APOO: variants seen among roughly 807,000 people sequenced by gnomAD.
APOO encodes the protein apolipoprotein O.
Under a neutral mutation model 23.1 loss-of-function variants are expected in APOO, and 11 were observed. The ratio of observed to expected loss-of-function variants is 0.48; its 90% CI spans 0.30 to 0.79. The LOEUF is 0.79. Ranked by LOEUF, APOO falls within the 30% of genes least tolerant of loss-of-function variation. The probability of loss-of-function intolerance (pLI) is 0.07; values close to 1 mark genes in which losing one functional copy is unlikely to be tolerated. For synonymous variants in APOO, 59 were observed against 54.8 expected, an observed-to-expected ratio of 1.08 and a Z score of -0.34; for missense variants, 160 against 142.7, an observed-to-expected ratio of 1.12 and a Z score of -0.62.
rs1447335486 is a variant in APOO, at chrX:23,858,631, G to A, written c.480+11C>T. ...AATGAGGGACATCATGGATTACAGA[G>A]TTTCTCTTACCTGGGCAAACACGAT... On this transcript the variant is annotated intron_variant, in intron 6 of 8. Transcript: ENST00000379226. 8.3e-7 allele frequency: 1 copy of A among 1,203,516 alleles called. No individual in the cohort carries two copies. Among genetic ancestry groups the A allele is most frequent in the African/African-American group, 1.7e-5 (1 of 57,586 alleles).
At chrX:23,888,794 G>A (rs1926486964) in intron 1 of APOO, among the ~76,000 whole-genome samples, 1 of 97,236 alleles carries the variant, frequency 1.0e-5, no homozygotes, top group African/African-American at 3.8e-5. Context: ...AGGTTGCAGT[G>A]AGCCAAAATT....
At chrX:23,901,495 A>G (rs927969190) in intron 1 of APOO, among the ~76,000 whole-genome samples, 1 of 111,748 alleles carries the variant, frequency 8.9e-6, no homozygotes, top group African/African-American at 3.3e-5. Flanking sequence ...TCCCACCTCA[A>G]TGAATAGTTC....
intron 7 of APOO, among the ~76,000 whole-genome samples, chrX:23,855,112 A>T (rs1401996476): frequency 2.0e-5 from 2 of 100,362 alleles, no homozygotes; most frequent in Non-Finnish European, 4.0e-5. Flanking sequence ...ATCATGGCTC[A>T]CTCTATTTAG....
Position 23,903,443 on chromosome X carries a change from T to C in APOO, c.9+4251A>G, listed in dbSNP as rs754664315. ...GAATTGGAATCCATTTTAACAAGAG[T>C]CACATGCCCATTAAAGTTTGACAAG... On this transcript the variant is annotated intron_variant, in intron 1 of 8. Transcript: ENST00000379226. Among the ~76,000 whole-genome samples, 4 of 109,399 alleles carry C rather than the reference T, an allele frequency of 3.7e-5. No homozygotes were observed. In the South Asian group the frequency reaches 1.5e-3, roughly 42 times the overall value. 95.0% of individuals were successfully genotyped at this position (109,399 alleles called of 115,157 possible). A position where few individuals can be genotyped will look rare whatever the true frequency, so the allele number is the denominator to read the frequency against.
intron 7 of APOO, among the ~76,000 whole-genome samples, chrX:23,851,444 C>T (rs780812970): frequency 9.4e-4 from 105 of 112,206 alleles, no homozygotes; most frequent in African/African-American, 3.2e-3. Context: ...CCACCTGCCT[C>T]GGCCTCCCAC....
At chrX:23,864,412 C>T (rs1047052308) in intron 5 of APOO, among the ~76,000 whole-genome samples, 37 of 111,338 alleles carry the variant, frequency 3.3e-4, no homozygotes, top group African/African-American at 1.2e-3. Flanking sequence ...AAGTGATTCT[C>T]CTGCTTTCGC....
At chrX:23,900,916 C>A (rs193041370) in intron 1 of APOO, among the ~76,000 whole-genome samples, 1 of 111,510 alleles carries the variant, frequency 9.0e-6, no homozygotes, top group Admixed American at 9.6e-5. Flanking sequence ...AAGAAGAATT[C>A]CCTTGAAGAT....
intron 1 of APOO, among the ~76,000 whole-genome samples, chrX:23,889,864 T>C (rs940114323): frequency 9.1e-6 from 1 of 109,707 alleles, no homozygotes; most frequent in Non-Finnish European, 1.9e-5. Context: ...GGTTTCACTG[T>C]GTTAGCCAGG....
intron 1 of APOO, among the ~76,000 whole-genome samples, chrX:23,895,628 C>T (rs960995303): frequency 4.5e-5 from 5 of 110,589 alleles, no homozygotes; most frequent in African/African-American, 6.6e-5. Flanking sequence ...TCATGTTCCG[C>T]ACATGTATCC....
chrX:23,870,688 G>A (rs1317687720), intron 4 of APOO, among the ~76,000 whole-genome samples: 1 of 110,163 alleles, frequency 9.1e-6, no homozygotes, highest in African/African-American at 3.3e-5. Context: ...CTACTTGGGA[G>A]GCTGAGGTGG....
At chrX:23,850,134 G>A (rs1445135829) in intron 7 of APOO, among the ~76,000 whole-genome samples, 1 of 111,904 alleles carries the variant, frequency 8.9e-6, no homozygotes, top group African/African-American at 3.2e-5. Flanking sequence ...AAATGGTTCA[G>A]GAAAATAAAA....
intron 1 of APOO, among the ~76,000 whole-genome samples, chrX:23,887,997 G>A (rs755024369): frequency 1.8e-5 from 2 of 112,114 alleles, no homozygotes; most frequent in East Asian, 5.6e-4. Context: ...TTGGCTTAAA[G>A]GTAAACTGGT....
chrX:23,883,131 G>A, intron 1 of APOO, among the ~76,000 whole-genome samples: 1 of 111,468 alleles, frequency 9.0e-6, no homozygotes, highest in East Asian at 2.8e-4. Context: ...GCAGGGAAAT[G>A]CTGGGTAGAG....
At chrX:23,865,621 T>C (rs1306703809) in intron 5 of APOO, among the ~76,000 whole-genome samples, 1 of 102,648 alleles carries the variant, frequency 9.7e-6, no homozygotes, top group Admixed American at 1.1e-4. Flanking sequence ...AAAAAGAAAC[T>C]CCTATCAGGA....
intron 7 of APOO, among the ~76,000 whole-genome samples, chrX:23,851,490 A>G (rs66667619): frequency 0.5 from 55,087 of 111,115 alleles, 12,316 homozygotes; most frequent in African/African-American, 0.89. Context: ...ACCGCGCCCC[A>G]CGGTAATTTC....
intron 4 of APOO, among the ~76,000 whole-genome samples, chrX:23,874,161 TACTTGCTAGCCC>T (rs1385203208): frequency 3.6e-5 from 4 of 111,577 alleles, no homozygotes; most frequent in African/African-American, 1.3e-4. Context: ...AGTGTATCTG[TACTTGCTAGCCC>T]AAGAATCCTA....
intron 7 of APOO, among the ~76,000 whole-genome samples, chrX:23,843,327 TA>T (rs1186105385): frequency 9.0e-6 from 1 of 110,920 alleles, no homozygotes; most frequent in African/African-American, 3.3e-5. Flanking sequence ...AATATCTCAT[TA>T]AAAAAATATT....
Position 23,904,315 on chromosome X carries a change from G to A in APOO, c.9+3379C>T, listed in dbSNP as rs368694528. 5.4e-5 allele frequency among the ~76,000 whole-genome samples: 6 copies of A among 110,657 alleles called. No homozygotes were observed. In the East Asian group the frequency reaches 1.1e-3, roughly 21 times the overall value. ...TGGCATTCCTCTGACAACTGTTACA[G>A]GGTCAGACAACTGACCTAAGTTGGT... On this transcript the variant is annotated intron_variant, in intron 1 of 8. Coordinates refer to ENST00000379226, the MANE Select transcript of APOO (RefSeq NM_024122.5).
At chrX:23,862,653 G>C (rs938384459) in intron 5 of APOO, among the ~76,000 whole-genome samples, 2 of 104,038 alleles carry the variant, frequency 1.9e-5, no homozygotes, top group Non-Finnish European at 3.9e-5. Context: ...CATGCCTATA[G>C]TCGCAGCTAC....
Sources: gnomAD v4.1 joint callset for allele counts (sites outside exome capture counted in the v4.1 genomes callset) on GRCh38, gnomAD v4.1.1 for gene constraint, MANE v1.5 for transcripts, NCBI Gene and HGNC (gene_info 2026-07-23, HGNC 2026-07-21) for gene names.